Variants in NRXN1 observed in about 807,000 individuals in gnomAD.
NRXN1 encodes neurexin-1.
In NRXN1, 39 loss-of-function variants were observed where a neutral mutation model predicts 150.9. The ratio of observed to expected loss-of-function variants is 0.26; its 90% CI spans 0.20 to 0.34. NRXN1 has a LOEUF of 0.34. Among genes scored for constraint, NRXN1 ranks in the 10% least tolerant of loss-of-function variants. The probability of loss-of-function intolerance (pLI) is 1.00; values close to 1 mark genes in which losing one functional copy is unlikely to be tolerated. For missense variants in NRXN1, 1,815 were observed against 1,949.9 expected (o/e 0.93, Z 1.30); for synonymous variants, 924 against 757.0 (o/e 1.22, Z -3.62).
At chr2:50,954,200 T>C (rs1691893176) in intron 2 of NRXN1, among the ~76,000 whole-genome samples, 1 of 152,208 alleles carries the variant, frequency 6.6e-6, no homozygotes, top group Non-Finnish European at 1.5e-5. Flanking sequence ...TTATATCTTG[T>C]TTCTCTCAGG....
At chr2:50,429,767 T>G (rs902087463) in intron 17 of NRXN1, among the ~76,000 whole-genome samples, 25 of 152,120 alleles carry the variant, frequency 1.6e-4, no homozygotes, top group African/African-American at 5.6e-4. Context: ...CCACCCCAGT[T>G]TCTGAGATCA....
chr2:50,733,635 G>C (rs1698370382), intron 5 of NRXN1, among the ~76,000 whole-genome samples: 1 of 152,092 alleles, frequency 6.6e-6, no homozygotes, highest in African/African-American at 2.4e-5. Flanking sequence ...AGAAGTAACT[G>C]TTGTATAAGG....
intron 17 of NRXN1, among the ~76,000 whole-genome samples, chr2:50,376,199 A>C (rs2080482176): frequency 1.3e-5 from 2 of 152,042 alleles, no homozygotes; most frequent in African/African-American, 4.8e-5. Flanking sequence ...CCTAGAAAAC[A>C]GTATAAAGGA....
chr2:49,952,222 A>G (rs1328112786), intron 21 of NRXN1, among the ~76,000 whole-genome samples: 2 of 151,982 alleles, frequency 1.3e-5, no homozygotes, highest in Non-Finnish European at 2.9e-5. Context: ...TCTCTAATGA[A>G]TTTTATGTGA....
intron 17 of NRXN1, among the ~76,000 whole-genome samples, chr2:50,394,855 C>T (rs1407139003): frequency 1.3e-5 from 2 of 152,042 alleles, no homozygotes; most frequent in Non-Finnish European, 2.9e-5. Flanking sequence ...CCTTCCTGCT[C>T]ATGCTCCTCC....
At chr2:50,101,751 G>C (rs1209940879) in intron 18 of NRXN1, among the ~76,000 whole-genome samples, 2 of 152,002 alleles carry the variant, frequency 1.3e-5, no homozygotes, top group East Asian at 3.9e-4. Flanking sequence ...GATCAGTTTG[G>C]AAGGAGCACT....
intron 17 of NRXN1, among the ~76,000 whole-genome samples, chr2:50,327,508 A>G (rs911835248): frequency 9.9e-5 from 2 of 20,182 alleles, no homozygotes; most frequent in African/African-American, 9.9e-4. Flanking sequence ...TATACACTTA[A>G]AAACTTGCAC....
intron 2 of NRXN1, among the ~76,000 whole-genome samples, chr2:50,974,737 T>C (rs996824717): frequency 3.3e-5 from 5 of 152,050 alleles, no homozygotes; most frequent in South Asian, 2.1e-4. Context: ...TCTAGCGTAA[T>C]TGCAATTTGA....
chr2:50,098,479 CA>C (rs1700534731), intron 18 of NRXN1, among the ~76,000 whole-genome samples: 1 of 152,106 alleles, frequency 6.6e-6, no homozygotes, highest in African/African-American at 2.4e-5. Context: ...CTCCCAGGGA[CA>C]TAGAAGTTAT....
chr2:50,898,693 T>C (rs1391117599), intron 5 of NRXN1: 3 of 379,702 alleles, frequency 7.9e-6, no homozygotes, highest in Non-Finnish European at 1.5e-5. Context: ...ATTAATTGCT[T>C]AATATAAAAA....
intron 5 of NRXN1, among the ~76,000 whole-genome samples, chr2:50,746,947 T>A (rs1218868538): frequency 6.6e-6 from 1 of 152,120 alleles, no homozygotes; most frequent in East Asian, 1.9e-4. Flanking sequence ...ATGAACACTC[T>A]AGTTAGCTTC....
At chr2:50,026,458 A>T (rs551094975) in intron 21 of NRXN1, among the ~76,000 whole-genome samples, 4 of 152,264 alleles carry the variant, frequency 2.6e-5, no homozygotes, top group African/African-American at 9.6e-5. Context: ...TCACATGGTT[A>T]TGTTTTATTA....
chr2:50,652,982 T>C lies in NRXN1; in HGVS notation c.833-29367A>G, dbSNP rs140596262. ...TCTGACTGTTGTTTCTGTTTTATTT[T>C]GTTTTCATTCCTCGTTTTAGTATTC... On this transcript the variant is annotated intron_variant, in intron 5 of 22. Transcript: ENST00000401669. Among the ~76,000 whole-genome samples the C allele has an allele frequency of 8.8e-3, 1,346 of 152,198 alleles. 18 individuals carry two copies. The highest frequency in any genetic ancestry group is 0.013 in the Non-Finnish European group (882 of 67,998).
chr2:50,157,292 T>C (rs1342198511), intron 18 of NRXN1, among the ~76,000 whole-genome samples: 8 of 152,062 alleles, frequency 5.3e-5, no homozygotes, highest in Non-Finnish European at 1.5e-5. Context: ...GTTGGCATTG[T>C]ATCTGCGTCT....
intron 2 of NRXN1, among the ~76,000 whole-genome samples, chr2:50,953,562 T>A (rs562346119): frequency 1.3e-5 from 2 of 151,934 alleles, no homozygotes; most frequent in East Asian, 3.9e-4. Flanking sequence ...GACAATTTTT[T>A]TTTTTTTTTT....
intron 5 of NRXN1, among the ~76,000 whole-genome samples, chr2:50,744,369 T>C (rs2105291358): frequency 6.6e-6 from 1 of 152,220 alleles, no homozygotes; most frequent in Admixed American, 6.5e-5. Flanking sequence ...CAGATATAAG[T>C]ACTTGGTCAA....
At chr2:50,140,661 T>TTC (rs957167068) in intron 18 of NRXN1, among the ~76,000 whole-genome samples, 11 of 147,318 alleles carry the variant, frequency 7.5e-5, no homozygotes, top group Non-Finnish European at 1.6e-4. Context: ...CTGAGCTTTT[T>TTC]TCTCTCTCTT....
intron 17 of NRXN1, among the ~76,000 whole-genome samples, chr2:50,373,771 A>C (rs1043447400): frequency 6.6e-6 from 1 of 152,092 alleles, no homozygotes; most frequent in Non-Finnish European, 1.5e-5. Flanking sequence ...AATCCTGGGG[A>C]GTAGGGGTTA....
chr2:50,093,798 G>C (rs1277728031), intron 18 of NRXN1, among the ~76,000 whole-genome samples: 1 of 152,104 alleles, frequency 6.6e-6, no homozygotes, highest in Admixed American at 6.5e-5. Context: ...TTACAGATGA[G>C]AAAATTAAGG....
Sources: allele counts gnomAD v4.1 joint callset (sites outside exome capture counted in the v4.1 genomes callset), GRCh38; gene constraint gnomAD v4.1.1; transcripts MANE v1.5; gene names NCBI Gene and HGNC (gene_info 2026-07-23, HGNC 2026-07-21).